PCDHA4: variants seen among roughly 807,000 people sequenced by gnomAD.
PCDHA4 encodes the protein protocadherin alpha 4.
PCDHA4 carries 49 observed loss-of-function variants against 61.4 expected under a neutral mutation model. The ratio of observed to expected loss-of-function variants is 0.80; its 90% CI spans 0.63 to 1.01. PCDHA4 has a LOEUF of 1.01. Ranked by LOEUF, PCDHA4 falls within the 50% of genes least tolerant of loss-of-function variation. PCDHA4 has a pLI of 0.00. For synonymous variants in PCDHA4, 590 were observed against 550.3 expected, an observed-to-expected ratio of 1.07 and a Z score of -1.01; for missense variants, 1,254 against 1,235.8, an observed-to-expected ratio of 1.01 and a Z score of -0.22.
At chr5:140,950,082 A>G (rs2094448240) in intron 1 of PCDHA4, among the ~76,000 whole-genome samples, 1 of 151,916 alleles carries the variant, frequency 6.6e-6, no homozygotes, top group South Asian at 2.1e-4. Flanking sequence ...TGCTTATGCT[A>G]TAGTTTTCAT....
intron 1 of PCDHA4, chr5:140,882,426 G>A (rs148335988): frequency 6.1e-5 from 99 of 1,613,954 alleles, no homozygotes; most frequent in Non-Finnish European, 7.9e-5. Context: ...CAGGACCTGG[G>A]GCTGGAGCTG....
At chr5:140,964,118 C>G (rs1325218833) in intron 1 of PCDHA4, among the ~76,000 whole-genome samples, 1 of 151,942 alleles carries the variant, frequency 6.6e-6, no homozygotes, top group African/African-American at 2.4e-5. Flanking sequence ...CAATCACATT[C>G]TAACAACTAG....
intron 3 of PCDHA4, among the ~76,000 whole-genome samples, chr5:140,985,060 C>A (rs1377386395): frequency 6.6e-6 from 1 of 152,066 alleles, no homozygotes; most frequent in Admixed American, 6.5e-5. Flanking sequence ...GCCTCAGCCT[C>A]CTGAGTAGCT....
chr5:140,841,357 G>A (rs1554138130), intron 1 of PCDHA4: 1 of 1,612,940 alleles, frequency 6.2e-7, no homozygotes, highest in South Asian at 1.1e-5. Context: ...TGGGATCCTG[G>A]CGACTACTAC....
At chr5:140,842,147 GC>G (rs2150330571) in intron 1 of PCDHA4, 1 of 1,613,842 alleles carries the variant, frequency 6.2e-7, no homozygotes, top group East Asian at 2.2e-5. Flanking sequence ...AGCCAATGGG[GC>G]AATTTCATAT....
Position 140,969,193 on chromosome 5 carries a change from C to T in PCDHA4, c.2386-9756C>T, listed in dbSNP as rs1232655466. The T allele has an allele frequency of 8.1e-6, 13 of 1,614,002 alleles. No homozygotes were observed. In the African/African-American group the frequency reaches 1.2e-4, roughly 15 times the overall value. ...CAGGGAGTGACACTTTCATGTTTTA[C>T]AATACAGGGGCCCAGACAGGACCAG... is the stretch of plus-strand genomic sequence containing the variant. On this transcript the variant is annotated intron_variant, in intron 1 of 3. Transcript: ENST00000530339.
intron 1 of PCDHA4, chr5:140,835,642 C>T (rs2150240514): frequency 1.2e-6 from 2 of 1,613,940 alleles, no homozygotes; most frequent in East Asian, 2.2e-5. Flanking sequence ...AGTGTGTCCG[C>T]CTATGAGCTG....
At chr5:140,813,502 TA>T (rs1321309612) in intron 1 of PCDHA4, 1 of 152,182 alleles carries the variant, frequency 6.6e-6, no homozygotes, top group African/African-American at 2.4e-5. Flanking sequence ...AAAGGTACAG[TA>T]AAAACATTGT....
intron 1 of PCDHA4, chr5:140,928,001 A>T (rs1252162846): frequency 6.2e-7 from 1 of 1,614,034 alleles, no homozygotes; most frequent in Non-Finnish European, 8.5e-7. Flanking sequence ...GAAGACCTCG[A>T]TTCTAATGGT....
chr5:140,906,999 G>T lies in PCDHA4; in HGVS notation c.2386-71950G>T, dbSNP rs187849442. Among the ~76,000 whole-genome samples the T allele has an allele frequency of 8.0e-3, 1,219 of 152,202 alleles. 6 individuals are homozygous for T. The highest frequency in any genetic ancestry group is 0.019 in the African/African-American group (787 of 41,528). On this transcript the variant is annotated intron_variant, in intron 1 of 3. Coordinates refer to ENST00000530339, the MANE Select transcript of PCDHA4 (RefSeq NM_018907.4). Reference sequence around the variant, plus strand: ...TTCTGGTGGCAGCATTCCTCCCTCTGGAACTAAGACCTCTAGGCCAGCAGA... The same window carrying T: ...TTCTGGTGGCAGCATTCCTCCCTCTTGAACTAAGACCTCTAGGCCAGCAGA...
At chr5:140,961,876 T>G (rs929753490) in intron 1 of PCDHA4, among the ~76,000 whole-genome samples, 1 of 151,746 alleles carries the variant, frequency 6.6e-6, no homozygotes, top group South Asian at 2.1e-4. Context: ...ATAATTGACT[T>G]ACTTACATCA....
intron 1 of PCDHA4, among the ~76,000 whole-genome samples, chr5:140,949,776 A>G (rs1554219139): frequency 6.6e-6 from 1 of 151,716 alleles, no homozygotes; most frequent in Non-Finnish European, 1.5e-5. Flanking sequence ...AATATTTGAT[A>G]TGTTTAGATT....
intron 1 of PCDHA4, among the ~76,000 whole-genome samples, chr5:140,938,203 C>T (rs1181415730): frequency 6.6e-6 from 1 of 152,146 alleles, no homozygotes; most frequent in Non-Finnish European, 1.5e-5. Flanking sequence ...ACGCCAGCCT[C>T]CCAAAGTGCT....
intron 1 of PCDHA4, among the ~76,000 whole-genome samples, chr5:140,818,917 A>G (rs2150102673): frequency 6.6e-6 from 1 of 152,224 alleles, no homozygotes; most frequent in East Asian, 1.9e-4. Context: ...GTCCCTTTCT[A>G]TTAAGTGAGA....
intron 1 of PCDHA4, among the ~76,000 whole-genome samples, chr5:140,901,174 G>C (rs782712619): frequency 1.3e-5 from 2 of 152,050 alleles, no homozygotes; most frequent in Non-Finnish European, 2.9e-5. Flanking sequence ...TCTTCACTTT[G>C]TTGATTGTTT....
intron 3 of PCDHA4, among the ~76,000 whole-genome samples, chr5:140,985,428 T>C (rs782337868): frequency 2.0e-5 from 3 of 152,192 alleles, no homozygotes; most frequent in Non-Finnish European, 4.4e-5. Context: ...GGAGGATTTA[T>C]TAGTTGCTGC....
intron 1 of PCDHA4, chr5:140,969,615 G>A (rs1417453925): frequency 3.6e-5 from 26 of 714,726 alleles, no homozygotes; most frequent in Non-Finnish European, 5.5e-5. Flanking sequence ...ACACAGATTT[G>A]TAGAGAAACA....
intron 1 of PCDHA4, among the ~76,000 whole-genome samples, chr5:140,971,248 A>G (rs552592175): frequency 6.6e-6 from 1 of 152,330 alleles, no homozygotes; most frequent in East Asian, 1.9e-4. Context: ...AATTTGATAC[A>G]TAAACTATTT....
At chr5:140,953,258 T>C (rs1042358653) in intron 1 of PCDHA4, among the ~76,000 whole-genome samples, 22 of 152,304 alleles carry the variant, frequency 1.4e-4, no homozygotes, top group African/African-American at 5.3e-4. Context: ...TTAGTTCTTT[T>C]AGCTTTAGCC....
Sources: gnomAD v4.1 joint callset for allele counts (sites outside exome capture counted in the v4.1 genomes callset) on GRCh38, gnomAD v4.1.1 for gene constraint, MANE v1.5 for transcripts, NCBI Gene and HGNC (gene_info 2026-07-23, HGNC 2026-07-21) for gene names.